ABCA5: variants seen among roughly 807,000 people sequenced by gnomAD.
The protein encoded by ABCA5 is cholesterol transporter ABCA5.
Under a neutral mutation model 206.0 loss-of-function variants are expected in ABCA5, and 163 were observed. The ratio of observed to expected loss-of-function variants is 0.79; its 90% confidence interval spans 0.70 to 0.90. ABCA5 has a LOEUF of 0.90. Among genes scored for constraint, ABCA5 ranks in the 40% least tolerant of loss-of-function variants. The probability of loss-of-function intolerance (pLI) is 0.00; values close to 1 mark genes in which losing one functional copy is unlikely to be tolerated. For missense variants in ABCA5, 1,859 were observed against 1,912.9 expected (o/e 0.97, Z 0.53); for synonymous variants, 609 against 613.8 (o/e 0.99, Z 0.11).
chr17:69,271,122 T>G (rs2075268610), intron 21 of ABCA5, 40 bp downstream of exon 21: 12 of 1,579,082 alleles, frequency 7.6e-6, no homozygotes, highest in Non-Finnish European at 9.4e-6. Flanking sequence ...TAATCTTGCA[T>G]AACTCCCAAA....
rs2075722253 is a variant in ABCA5, at chr17:69,306,825, A to C, written c.688T>G (p.Ser230Ala). The change falls in exon 6 of 39, where the codon TCA (serine) becomes GCA (alanine). Residue 230 changes from serine (S) to alanine (A), a missense_variant. By Grantham distance (99) the Ser-to-Ala change is moderately conservative. Coordinates refer to ENST00000392676, the MANE Select transcript of ABCA5 (RefSeq NM_172232.4). ...ATTGCCAAAAAGTATCCAAAAGGTG[A>C]AAATGCTATAACTAGGTATATTAAA... ...VILIYLVIAF[S>A]PFGYFLAIHI... The C allele has an allele frequency of 4.4e-6, 7 of 1,600,532 alleles. No homozygotes were observed. Among genetic ancestry groups the C allele is most frequent in the Non-Finnish European group, 6.0e-6 (7 of 1,173,230 alleles).
At position 69,270,751 on chromosome 17, in the gene ABCA5, C is replaced by A; in HGVS notation, c.2893-1G>T. On this transcript the variant is annotated splice_acceptor_variant, in intron 21 of 38. Transcript: ENST00000392676. LOFTEE classifies it high-confidence loss of function. Reference sequence around the variant, plus strand: ...TGAAAACAGCTGCAAAAACATAGTCCTACAATTAAAAAAAAGACACTTATT... The same window carrying A: ...TGAAAACAGCTGCAAAAACATAGTCATACAATTAAAAAAAAGACACTTATT... 1.3e-6 allele frequency: 2 copies of A among 1,523,864 alleles called. No individual in the cohort carries two copies. Among genetic ancestry groups the A allele is most frequent in the South Asian group, 1.3e-5 (1 of 74,686 alleles). 94.4% of individuals were successfully genotyped at this position (1,523,864 alleles called of 1,614,324 possible). A position where few individuals can be genotyped will look rare whatever the true frequency, so the allele number is the denominator to read the frequency against.
At chr17:69,318,811 T>C (rs1002317760) in intron 1 of ABCA5, 1 of 704,178 alleles carries the variant, frequency 1.4e-6, no homozygotes, top group Non-Finnish European at 2.6e-6. Context: ...GTGGCAGACA[T>C]GTCCAAGGAA....
intron 22 of ABCA5, among the ~76,000 whole-genome samples, 174 bp from the exon 23 acceptor site, chr17:69,268,230 T>C (rs531136283): frequency 1.4e-4 from 22 of 152,196 alleles, no homozygotes; most frequent in African/African-American, 4.8e-4. Flanking sequence ...TATTAACAGG[T>C]GGTTGTGGAC....
chr17:69,300,390 C>A (rs1244179270), intron 9 of ABCA5, among the ~76,000 whole-genome samples: 3 of 152,180 alleles, frequency 2.0e-5, no homozygotes, highest in Non-Finnish European at 4.4e-5. Flanking sequence ...TACTGTGCAG[C>A]CCAGTTCCTC....
chr17:69,268,007 A>G lies in ABCA5; in HGVS notation c.3080T>C (p.Leu1027Ser). ...CATTGCAGTAACAATGATTCCAAGC[A>G]AAGCTGCTTGAAAATACAGCTCAAT... ...FKIELYFQAA[L>S]LGIIVTAMPP... is the part of the protein sequence containing the mutation. Residue 1027 changes from leucine to serine, a missense_variant, in exon 23 of 39, where the codon TTG (leucine) becomes TCG (serine). Coordinates refer to ENST00000392676, the MANE Select transcript of ABCA5 (RefSeq NM_172232.4). The G allele has an allele frequency of 6.2e-7, 1 of 1,611,606 alleles. No homozygotes were observed. Among genetic ancestry groups the G allele is most frequent in the Non-Finnish European group, 8.5e-7 (1 of 1,178,342 alleles).
chr17:69,265,410 C>T (rs2075197032), intron 23 of ABCA5, among the ~76,000 whole-genome samples: 1 of 151,952 alleles, frequency 6.6e-6, no homozygotes, highest in African/African-American at 2.4e-5. Flanking sequence ...TGTTCAAAGC[C>T]TTTTGTGTAC....
chr17:69,273,888 C>T (rs1308965710), intron 20 of ABCA5, 71 bp downstream of exon 20: 1 of 1,407,588 alleles, frequency 7.1e-7, no homozygotes, highest in African/African-American at 1.5e-5. Flanking sequence ...TTTTAAAATC[C>T]AGACCTTTAT....
rs754398128 is a variant in ABCA5, at chr17:69,306,971, T to C, written c.559-17A>G. The C allele has an allele frequency of 1.1e-5, 16 of 1,492,436 alleles. No individual in the cohort carries two copies. In the South Asian group the frequency reaches 2.2e-4, roughly 20 times the overall value. 92.4% of individuals were successfully genotyped at this position (1,492,436 alleles called of 1,614,324 possible). ...GGTCTTCAACTATAATTAGAAAATG[T>C]AAATACATCAAATTAATTTAGTTAT... is the stretch of plus-strand genomic sequence containing the variant. On this transcript the variant is annotated splice_polypyrimidine_tract_variant and intron_variant, in intron 5 of 38. Transcript: ENST00000392676.
rs376534783 is a variant in ABCA5, at chr17:69,285,978, A to G, written c.2192T>C (p.Ile731Thr). Residue 731 changes from isoleucine to threonine, a missense_variant, in exon 17 of 39, where the codon ATA becomes ACA. Coordinates refer to ENST00000392676, the MANE Select transcript of ABCA5 (RefSeq NM_172232.4). Reference sequence around the variant, plus strand: ...CTGTTGTAATAAAGTAGCTCCAGGTATATGTTGTTTAACCAGTGAAGAAAG... The same window carrying G: ...CTGTTGTAATAAAGTAGCTCCAGGTGTATGTTGTTTAACCAGTGAAGAAAG... ...ESLSSLVKQH[I>T]PGATLLQQND... 1.2e-6 allele frequency: 2 copies of G among 1,613,196 alleles called. No homozygotes were observed. The highest frequency in any genetic ancestry group is 1.7e-5 in the Admixed American group (1 of 59,968).
intron 28 of ABCA5, among the ~76,000 whole-genome samples, chr17:69,259,503 A>G (rs2144908667): frequency 6.6e-6 from 1 of 152,126 alleles, no homozygotes; most frequent in East Asian, 1.9e-4. Flanking sequence ...TGTTCAGAAC[A>G]GGCAAATCTG....
At chr17:69,320,336 A>G (rs1598212308) in intron 1 of ABCA5, among the ~76,000 whole-genome samples, 1 of 152,182 alleles carries the variant, frequency 6.6e-6, no homozygotes, top group South Asian at 2.1e-4. Context: ...AGTCAAAGAA[A>G]CCCTACAGAA....
chr17:69,254,596 G>T, intron 31 of ABCA5, 106 bp from the exon 32 acceptor site: 1 of 772,548 alleles, frequency 1.3e-6, no homozygotes, highest in Non-Finnish European at 2.0e-6. Context: ...CTAATATCAA[G>T]TCAGATTTGT....
intron 28 of ABCA5, among the ~76,000 whole-genome samples, chr17:69,257,998 G>A (rs1194097418): frequency 1.3e-5 from 2 of 152,050 alleles, no homozygotes; most frequent in Admixed American, 6.6e-5. Flanking sequence ...ATTATTTACT[G>A]AGAAGTAGGA....
Position 69,313,154 on chromosome 17 carries a change from G to C in ABCA5, c.245C>G (p.Thr82Ser), listed in dbSNP as rs1319104454. ...GCTGCTTGTAATATTAGTCACTGGA[G>C]TATATCCAAGAATTAGATTAGAAAG... is the stretch of plus-strand genomic sequence containing the variant. ...FTLSNLILGY[T>S]PVTNITSSIM... The change falls in exon 3 of 39, where the codon ACT (threonine) becomes AGT (serine). Residue 82 changes from threonine to serine, a missense_variant. Thr to Ser is a moderately conservative substitution (Grantham distance 58, BLOSUM62 1). Coordinates refer to ENST00000392676, the MANE Select transcript of ABCA5 (RefSeq NM_172232.4). 6.2e-7 allele frequency: 1 copy of C among 1,611,340 alleles called. No individual in the cohort carries two copies. Among genetic ancestry groups the C allele is most frequent in the African/African-American group, 1.3e-5 (1 of 74,930 alleles).
chr17:69,297,387 T>G (rs1384895336), intron 9 of ABCA5, 28 bp from the exon 10 acceptor site: 2 of 1,563,648 alleles, frequency 1.3e-6, no homozygotes, highest in South Asian at 1.2e-5. Context: ...AAAAACTGAG[T>G]TACCATAATT....
At chr17:69,311,744 G>A (rs899840902) in intron 3 of ABCA5, among the ~76,000 whole-genome samples, 23 of 151,906 alleles carry the variant, frequency 1.5e-4, no homozygotes, top group Admixed American at 9.2e-4. Context: ...TGCTCACCTC[G>A]GCCTCCCAAA....
Position 69,250,024 on chromosome 17 carries a change from A to G in ABCA5, c.4686-40T>C, listed in dbSNP as rs182046452. On this transcript the variant is annotated intron_variant, in intron 36 of 38. Coordinates refer to ENST00000392676, the MANE Select transcript of ABCA5 (RefSeq NM_172232.4). ...AAAATATGGAAAAAAATTAAAAATTACTACTATTATGTTCTAAAGCTAAAG... is the reference window on the plus strand; with the variant it reads ...AAAATATGGAAAAAAATTAAAAATTGCTACTATTATGTTCTAAAGCTAAAG... 10 of 1,280,342 alleles carry G rather than the reference A, an allele frequency of 7.8e-6. No individual in the cohort carries two copies. In the East Asian group the frequency reaches 2.3e-4, roughly 30 times the overall value. The allele number at this position is 1,280,342 out of a possible 1,614,324, so 79.3% of individuals were successfully genotyped here.
chr17:69,253,547 T>C lies in ABCA5; in HGVS notation c.4415+26A>G, dbSNP rs761575607. ...AACTGTTCTATTCTAAAGTATCATG[T>C]ACTGTGTCACAAGTACCATACTCAC... On this transcript the variant is annotated intron_variant, in intron 34 of 38. Coordinates refer to ENST00000392676, the MANE Select transcript of ABCA5 (RefSeq NM_172232.4). 4.7e-6 allele frequency: 7 copies of C among 1,485,796 alleles called. No individual in the cohort carries two copies. The African/African-American group carries it at 9.7e-5, about 21-fold the overall frequency. 92.0% of individuals were successfully genotyped at this position (1,485,796 alleles called of 1,614,324 possible).
Sources: allele counts gnomAD v4.1 joint callset (sites outside exome capture counted in the v4.1 genomes callset), GRCh38; gene constraint gnomAD v4.1.1; transcripts MANE v1.5; gene names NCBI Gene and HGNC (gene_info 2026-07-23, HGNC 2026-07-21).